Variants in RFTN1 observed in about 807,000 individuals in gnomAD.
RFTN1 encodes the protein raftlin, lipid raft linker 1.
A neutral mutation model predicts 46.5 loss-of-function variants in RFTN1; 26 were observed. The ratio of observed to expected loss-of-function variants is 0.56; its 90% CI spans 0.41 to 0.78. The LOEUF is 0.78. Ranked by LOEUF, RFTN1 falls within the 30% of genes least tolerant of loss-of-function variation. The probability of loss-of-function intolerance (pLI) is 0.00; values close to 1 mark genes in which losing one functional copy is unlikely to be tolerated. For missense variants in RFTN1, 693 were observed against 718.7 expected (o/e 0.96, Z 0.41); for synonymous variants, 261 against 284.2 (o/e 0.92, Z 0.82).
At chr3:16,508,716 A>C (rs927033728) in intron 1 of RFTN1, among the ~76,000 whole-genome samples, 11 of 151,610 alleles carry the variant, frequency 7.3e-5, no homozygotes, top group African/African-American at 2.4e-4. Flanking sequence ...ACACACACAC[A>C]CACACACCCC....
rs62236260 is a variant in RFTN1, at chr3:16,361,432, A to C, written c.1031-3385T>G. Among the ~76,000 whole-genome samples the C allele has an allele frequency of 0.06, 9,131 of 152,270 alleles. 331 individuals are homozygous for C. Among genetic ancestry groups the C allele is most frequent in the Middle Eastern group, 0.12 (35 of 292 alleles). On this transcript the variant is annotated intron_variant, in intron 6 of 9. Transcript: ENST00000334133. This position sits in a 1 kb window ranked among gnomAD's most constrained non-coding sequence, Gnocchi z 4.3. ...AATAACATCATGTCAGAGGTGATAC[A>C]TGCTAGAAAAATACTAAGTGGGCCA...
Position 16,479,724 on chromosome 3 carries a change from G to T in RFTN1, c.145+14001C>A, listed in dbSNP as rs1274636842. Among the ~76,000 whole-genome samples the T allele has an allele frequency of 2.6e-5, 4 of 152,176 alleles. No homozygotes were observed. The highest frequency in any genetic ancestry group is 4.4e-5 in the Non-Finnish European group (3 of 68,036). The stretch of plus-strand genomic sequence containing the variant: ...GCCCTGATGAGTCCACTCACCCCCA[G>T]GAAGCTCGTTTGATTGAGGTACCTT... On this transcript the variant is annotated intron_variant, in intron 2 of 9. Transcript: ENST00000334133. This position sits in a 1 kb window ranked among gnomAD's most constrained non-coding sequence, Gnocchi z 5.1.
At chr3:16,416,723 T>C (rs1406544694) in intron 3 of RFTN1, among the ~76,000 whole-genome samples, 1 of 152,134 alleles carries the variant, frequency 6.6e-6, no homozygotes, top group Admixed American at 6.5e-5. Flanking sequence ...AGATGAGTAA[T>C]GTAGACTCTT....
Position 16,327,018 on chromosome 3 carries a change from C to G in RFTN1, c.1147-142G>C, listed in dbSNP as rs2069773762. 1.7e-6 allele frequency: 1 copy of G among 600,476 alleles called. No individual in the cohort carries two copies. The highest frequency in any genetic ancestry group is 2.9e-6 in the Non-Finnish European group (1 of 343,954). 37.2% of individuals were successfully genotyped at this position (600,476 alleles called of 1,614,324 possible). A position where few individuals can be genotyped will look rare whatever the true frequency, so the allele number is the denominator to read the frequency against. ...CCACTCAGAGGCTCCTGCTCCGATG[C>G]TTGCTGAAGACTTTAAAAGTTTGGA... is the stretch of plus-strand genomic sequence containing the variant. On this transcript the variant is annotated intron_variant, in intron 7 of 9. Coordinates refer to ENST00000334133, the MANE Select transcript of RFTN1 (RefSeq NM_015150.2). This position sits in a 1 kb window ranked among gnomAD's most constrained non-coding sequence, Gnocchi z 4.2.
chr3:16,416,869 T>G (rs1221666364), intron 3 of RFTN1, among the ~76,000 whole-genome samples: 5 of 152,226 alleles, frequency 3.3e-5, no homozygotes, highest in Non-Finnish European at 7.3e-5. Context: ...TTTAAAAATT[T>G]TTTTATTATG....
In RFTN1 at chr3:16,361,940, C is replaced by G. The variant is rs1254217485; in HGVS notation, c.1031-3893G>C. Reference sequence around the variant, plus strand: ...TTCTGCCTCAACAGAGCTGCTCCAGCCAACCCCAAAATCTGCCAGAGTAAA... The same window carrying G: ...TTCTGCCTCAACAGAGCTGCTCCAGGCAACCCCAAAATCTGCCAGAGTAAA... On this transcript the variant is annotated intron_variant, in intron 6 of 9. Transcript: ENST00000334133. The surrounding 1 kb of genome is among the most constrained non-coding windows in gnomAD (Gnocchi z 4.3). 6.6e-6 allele frequency among the ~76,000 whole-genome samples: 1 copy of G among 152,190 alleles called. No individual in the cohort carries two copies. Among genetic ancestry groups the G allele is most frequent in the African/African-American group, 2.4e-5 (1 of 41,438 alleles).
At chr3:16,503,833 C>A (rs555687364) in intron 1 of RFTN1, among the ~76,000 whole-genome samples, 1 of 152,270 alleles carries the variant, frequency 6.6e-6, no homozygotes, top group East Asian at 1.9e-4. Context: ...AATTATAAAC[C>A]ACTTCAAACA....
chr3:16,366,405 G>A (rs1032455389), intron 6 of RFTN1, among the ~76,000 whole-genome samples: 3 of 152,056 alleles, frequency 2.0e-5, no homozygotes, highest in Non-Finnish European at 4.4e-5. Flanking sequence ...CTCACTGGCC[G>A]ACATGTTCCT....
rs186372226 is a variant in RFTN1 at position 16,455,626 on chromosome 3, T to C, written c.146-21589A>G. On this transcript the variant is annotated intron_variant, in intron 2 of 9. Transcript: ENST00000334133. Reference sequence around the variant, plus strand: ...TTATGGTCCTCAAAGCCCAGTATATTGGTGTTGGGGGTGGAGGTGTCTGCT... The same window carrying C: ...TTATGGTCCTCAAAGCCCAGTATATCGGTGTTGGGGGTGGAGGTGTCTGCT... 1.7e-3 allele frequency among the ~76,000 whole-genome samples: 262 copies of C among 152,290 alleles called. 1 individual carries two copies. The highest frequency in any genetic ancestry group is 2.9e-3 in the Non-Finnish European group (198 of 68,008).
chr3:16,332,346 T>TA (rs35029497), intron 7 of RFTN1, among the ~76,000 whole-genome samples: 2 of 151,568 alleles, frequency 1.3e-5, no homozygotes, highest in South Asian at 4.1e-4. Flanking sequence ...TCTTCCAACT[T>TA]TTATGTTTTT....
Position 16,385,344 on chromosome 3 carries a change from A to G in RFTN1, c.442-7242T>C. 6.6e-6 allele frequency among the ~76,000 whole-genome samples: 1 copy of G among 152,202 alleles called. No homozygotes were observed. Among genetic ancestry groups the G allele is most frequent in the East Asian group, 1.9e-4 (1 of 5,200 alleles). ...TGACATGTTAACACTTAGCTGCAGA[A>G]ATTGGAAGCTTTGCCAGGCGCTGCT... is the stretch of plus-strand genomic sequence containing the variant. On this transcript the variant is annotated intron_variant, in intron 4 of 9. Coordinates refer to ENST00000334133, the MANE Select transcript of RFTN1 (RefSeq NM_015150.2). The surrounding 1 kb of genome is among the most constrained non-coding windows in gnomAD (Gnocchi z 5.0).
intron 3 of RFTN1, among the ~76,000 whole-genome samples, chr3:16,411,906 G>A (rs976477430): frequency 1.3e-5 from 2 of 152,188 alleles, no homozygotes; most frequent in Non-Finnish European, 2.9e-5. Context: ...AACATTCACA[G>A]GATGAACAAA....
At chr3:16,445,982 G>A (rs1473731665) in intron 2 of RFTN1, among the ~76,000 whole-genome samples, 1 of 151,302 alleles carries the variant, frequency 6.6e-6, no homozygotes, top group Non-Finnish European at 1.5e-5. Context: ...AACCCATGCT[G>A]GGTTTATTTG....
In RFTN1 at chr3:16,499,129, G is replaced by A. The variant is rs1271668146; in HGVS notation, c.-8-5252C>T. On this transcript the variant is annotated intron_variant, in intron 1 of 9. Coordinates refer to ENST00000334133, the MANE Select transcript of RFTN1 (RefSeq NM_015150.2). The surrounding 1 kb of genome is among the most constrained non-coding windows in gnomAD (Gnocchi z 4.9). ...ACACAGACATTCAGGGAGTGTCTCA[G>A]TAGAAGGACATCTCTCACATGGGTC... Among the ~76,000 whole-genome samples, 2 of 152,206 alleles carry A rather than the reference G, an allele frequency of 1.3e-5. No homozygotes were observed. The highest frequency in any genetic ancestry group is 1.5e-5 in the Non-Finnish European group (1 of 68,032).
rs2070032650 is a variant in RFTN1, at chr3:16,329,133, C to G, written c.1147-2257G>C. Reference sequence around the variant, plus strand: ...AACTCAGGCAAAGGGCTTGAGGCTACAAGTTCAGTCTCCTGCTCTCTCCCC... The same window carrying G: ...AACTCAGGCAAAGGGCTTGAGGCTAGAAGTTCAGTCTCCTGCTCTCTCCCC... On this transcript the variant is annotated intron_variant, in intron 7 of 9. Coordinates refer to ENST00000334133, the MANE Select transcript of RFTN1 (RefSeq NM_015150.2). The surrounding 1 kb of genome is among the most constrained non-coding windows in gnomAD (Gnocchi z 4.5). Among the ~76,000 whole-genome samples the G allele has an allele frequency of 1.3e-5, 2 of 152,222 alleles. No individual in the cohort carries two copies. Among genetic ancestry groups the G allele is most frequent in the African/African-American group, 2.4e-5 (1 of 41,462 alleles).
At chr3:16,330,010 A>G (rs2070148324) in intron 7 of RFTN1, among the ~76,000 whole-genome samples, 1 of 152,112 alleles carries the variant, frequency 6.6e-6, no homozygotes. Context: ...GTTTTATTTC[A>G]TTTTGTCACT....
chr3:16,316,668 C>T lies in RFTN1; in HGVS notation c.*160G>A, dbSNP rs763261566. On this transcript the variant is annotated 3_prime_UTR_variant, in exon 10 of 10. Coordinates refer to ENST00000334133, the MANE Select transcript of RFTN1 (RefSeq NM_015150.2). This position sits in a 1 kb window ranked among gnomAD's most constrained non-coding sequence, Gnocchi z 4.5. ...GTGCAAAAACCAACACTGTCAGGAA[C>T]CTGGCCCTGGGAGGGCTCAGGTGAG... 86 of 777,470 alleles carry T rather than the reference C, an allele frequency of 1.1e-4. No individual in the cohort carries two copies. The highest frequency in any genetic ancestry group is 2.3e-4 in the Admixed American group (10 of 43,156). The allele number at this position is 777,470 out of a possible 1,614,324, so 48.2% of individuals were successfully genotyped here.
At chr3:16,354,327 G>C (rs771669894) in intron 7 of RFTN1, among the ~76,000 whole-genome samples, 5 of 152,206 alleles carry the variant, frequency 3.3e-5, no homozygotes, top group Admixed American at 6.5e-5. Context: ...AAGAGGAAAA[G>C]AAACCCATAA....
intron 4 of RFTN1, among the ~76,000 whole-genome samples, chr3:16,386,156 A>C (rs962486563): frequency 1.3e-5 from 2 of 152,204 alleles, no homozygotes; most frequent in African/African-American, 4.8e-5. Flanking sequence ...CCATGGATTT[A>C]ACCTTACCCA....
Sources: allele counts gnomAD v4.1 joint callset (sites outside exome capture counted in the v4.1 genomes callset), GRCh38; gene constraint gnomAD v4.1.1; non-coding constraint Gnocchi (gnomAD v3.1); transcripts MANE v1.5; gene names NCBI Gene and HGNC (gene_info 2026-07-23, HGNC 2026-07-21).